The following TLN2 variants were observed in gnomAD, a reference collection of about 807,000 sequenced individuals.
The protein encoded by TLN2 is talin-2.
Under a neutral mutation model 294.7 loss-of-function variants are expected in TLN2, and 118 were observed. That is an observed-to-expected ratio of 0.40 (90% CI 0.34 to 0.47). The LOEUF (loss-of-function observed/expected upper bound fraction) is 0.47, where lower values mean the gene tolerates loss of function less well. TLN2 is among the 20% of genes least tolerant of loss of function. TLN2 has a pLI of 0.84. For missense variants in TLN2, 3,083 were observed against 3,282.2 expected, an observed-to-expected ratio of 0.94 and a Z score of 1.48; for synonymous variants, 1,431 against 1,304.5, an observed-to-expected ratio of 1.10 and a Z score of -2.09.
chr15:62,747,899 T>A (rs775814506), intron 32 of TLN2, among the ~76,000 whole-genome samples: 4 of 152,138 alleles, frequency 2.6e-5, no homozygotes, highest in Non-Finnish European at 5.9e-5. Context: ...TAAGTGGAAG[T>A]GGATCATCAT....
In TLN2 at chr15:62,675,580, C is replaced by T. The variant is rs1332581816; in HGVS notation, c.957+259C>T. ...GATCACTGTCAAAGCTATAAAGTCC[C>T]TGAAGGAGTGAGTTCACTTTTACTT... On this transcript the variant is annotated intron_variant, in intron 11 of 58. Coordinates refer to ENST00000636159, the MANE Select transcript of TLN2 (RefSeq NM_015059.3). Among the ~76,000 whole-genome samples, 5 of 152,320 alleles carry T rather than the reference C, an allele frequency of 3.3e-5. No homozygotes were observed. In the East Asian group the frequency reaches 9.6e-4, roughly 29 times the overall value.
intron 45 of TLN2, among the ~76,000 whole-genome samples, chr15:62,790,898 G>A (rs535976939): frequency 1.3e-5 from 2 of 152,346 alleles, no homozygotes; most frequent in East Asian, 1.9e-4. Flanking sequence ...CAGAGCTGCC[G>A]TGTTGTGCAG....
intron 46 of TLN2, among the ~76,000 whole-genome samples, chr15:62,793,423 T>C (rs930239215): frequency 6.6e-6 from 1 of 152,202 alleles, no homozygotes; most frequent in African/African-American, 2.4e-5. Flanking sequence ...ACAACTTGAT[T>C]TCCTCATCTG....
chr15:62,738,357 A>C, intron 30 of TLN2, 24 bp downstream of exon 30: 1 of 1,613,114 alleles, frequency 6.2e-7, no homozygotes, highest in East Asian at 2.2e-5. Context: ...AGATTGAGAA[A>C]GGACACTGGG....
chr15:62,528,109 A>G (rs2040837030), intron 1 of TLN2, among the ~76,000 whole-genome samples: 2 of 152,250 alleles, frequency 1.3e-5, no homozygotes, highest in South Asian at 4.1e-4. Context: ...GTTTATTTTT[A>G]TATAGTTTAC....
chr15:62,471,205 C>T (rs969694959), intron 1 of TLN2, among the ~76,000 whole-genome samples: 6 of 152,100 alleles, frequency 3.9e-5, no homozygotes, highest in African/African-American at 7.2e-5. Flanking sequence ...GGCATGATGG[C>T]GTGTGCCTGT....
intron 2 of TLN2, among the ~76,000 whole-genome samples, chr15:62,605,283 A>G (rs1449339767): frequency 6.6e-6 from 1 of 152,234 alleles, no homozygotes; most frequent in Non-Finnish European, 1.5e-5. Context: ...ACTAAAATAT[A>G]ATTAAAATAA....
chr15:62,535,461 T>G (rs1384050674), intron 1 of TLN2, among the ~76,000 whole-genome samples: 1 of 133,398 alleles, frequency 7.5e-6, no homozygotes, highest in Non-Finnish European at 1.7e-5. Context: ...AGACCCTGTC[T>G]GTGTGTACAC....
chr15:62,837,070 A>T (rs2069754873), intron 57 of TLN2, among the ~76,000 whole-genome samples: 1 of 152,228 alleles, frequency 6.6e-6, no homozygotes, highest in Non-Finnish European at 1.5e-5. Context: ...GTAAGTGTTA[A>T]AATGTAGATT....
At chr15:62,486,855 A>G (rs2038427690) in intron 1 of TLN2, among the ~76,000 whole-genome samples, 1 of 150,358 alleles carries the variant, frequency 6.7e-6, no homozygotes, top group East Asian at 1.9e-4. Context: ...TAAAGTGGGC[A>G]TCCTTGTTCT....
At position 62,840,490 on chromosome 15, in the gene TLN2, C is replaced by A; in HGVS notation, c.7509C>A (p.Ala2503=). Residue 2503 remains alanine, a synonymous_variant, in exon 59 of 59, where the codon GCC becomes GCA. Coordinates refer to ENST00000636159, the MANE Select transcript of TLN2 (RefSeq NM_015059.3). Reference sequence around the variant, plus strand: ...TGTTGCTTTCTTTCTAGATCATCGCCGCCCAGGAAGAAATGCTAAAGAAAG... The same window carrying A: ...TGTTGCTTTCTTTCTAGATCATCGCAGCCCAGGAAGAAATGCTAAAGAAAG... The part of the protein sequence containing the change: ...KFVGGIAQII[A]AQEEMLKKER... 1.9e-6 allele frequency: 3 copies of A among 1,614,036 alleles called. No individual in the cohort carries two copies. Among genetic ancestry groups the A allele is most frequent in the Non-Finnish European group, 2.5e-6 (3 of 1,180,004 alleles).
chr15:62,803,011 G>A (rs12441876), intron 50 of TLN2, among the ~76,000 whole-genome samples: 5 of 152,008 alleles, frequency 3.3e-5, no homozygotes, highest in Admixed American at 1.3e-4. Flanking sequence ...GTTTTCTCCC[G>A]TTCTGTGGGT....
intron 19 of TLN2, among the ~76,000 whole-genome samples, chr15:62,703,623 GCGCGCACACACACACA>G (rs2058862981): frequency 1.7e-5 from 1 of 60,482 alleles, no homozygotes; most frequent in Admixed American, 2.2e-4. Flanking sequence ...ACACACACAC[GCGCGCACACACACACA>G]CACACACACA....
intron 22 of TLN2, among the ~76,000 whole-genome samples, chr15:62,713,929 A>ATATATATATATAC (rs368958929): frequency 1.6e-5 from 2 of 125,210 alleles, no homozygotes; most frequent in African/African-American, 2.6e-5. Flanking sequence ...GTGTGTGTGT[A>ATATATATATATAC]TGTGTGTGTG....
chr15:62,513,911 C>G (rs2040055454), intron 1 of TLN2, among the ~76,000 whole-genome samples: 1 of 152,228 alleles, frequency 6.6e-6, no homozygotes, highest in South Asian at 2.1e-4. Flanking sequence ...CTCTGTTACA[C>G]TGATTTCTGT....
intron 1 of TLN2, among the ~76,000 whole-genome samples, chr15:62,429,185 G>C (rs1353892989): frequency 6.6e-6 from 1 of 151,978 alleles, no homozygotes; most frequent in Non-Finnish European, 1.5e-5. Context: ...CAGTGATCTT[G>C]TGATGGTACT....
Position 62,708,669 on chromosome 15 carries a change from C to G in TLN2, c.2340C>G (p.Ala780=), listed in dbSNP as rs2059225898. 6.2e-7 allele frequency: 1 copy of G among 1,614,138 alleles called. No individual in the cohort carries two copies. The highest frequency in any genetic ancestry group is 1.7e-5 in the Admixed American group (1 of 60,022). ...CAGCGGCCAGCGTGGTCAGCCAGGC[C>G]CTCCATGATCTCCTGCAGCATGTGC... ...VSAAASVVSQ[A]LHDLLQHVRQ... Residue 780 remains alanine (A), a synonymous_variant, in exon 21 of 59, where the codon GCC becomes GCG. Transcript: ENST00000636159.
chr15:62,576,844 G>T (rs1567128703), intron 1 of TLN2, among the ~76,000 whole-genome samples: 1 of 152,102 alleles, frequency 6.6e-6, no homozygotes, highest in Non-Finnish European at 1.5e-5. Context: ...AACATAAATA[G>T]GGAAGTAGAA....
intron 2 of TLN2, among the ~76,000 whole-genome samples, chr15:62,618,150 G>A (rs999636259): frequency 2.0e-4 from 30 of 150,860 alleles, no homozygotes; most frequent in Non-Finnish European, 2.8e-4. Flanking sequence ...ACAGCCAGGT[G>A]GATCATAGTG....
Sources: allele counts gnomAD v4.1 joint callset (sites outside exome capture counted in the v4.1 genomes callset), GRCh38; gene constraint gnomAD v4.1.1; transcripts MANE v1.5; gene names NCBI Gene and HGNC (gene_info 2026-07-23, HGNC 2026-07-21).